SIPA1L1: variants seen among roughly 807,000 people sequenced by gnomAD.
SIPA1L1 encodes signal induced proliferation associated 1 like 1, also known as signal-induced proliferation-associated 1-like protein 1.
Under a neutral mutation model 162.7 loss-of-function variants are expected in SIPA1L1, and 26 were observed. The observed-to-expected ratio is 0.16, with a 90% confidence interval of 0.12 to 0.22. The LOEUF is 0.22. Among genes scored for constraint, SIPA1L1 ranks in the 10% least tolerant of loss-of-function variants. The pLI is 1.00. For synonymous variants in SIPA1L1, 829 were observed against 837.4 expected (o/e 0.99, Z 0.17); for missense variants, 1,874 against 2,241.0 (o/e 0.84, Z 3.31).
chr14:71,436,266 A>G (rs2044369901), intron 2 of SIPA1L1, among the ~76,000 whole-genome samples: 1 of 152,156 alleles, frequency 6.6e-6, no homozygotes. Flanking sequence ...TTTTTGCTAT[A>G]TATGAATTTA....
At chr14:71,730,349 C>T in intron 20 of SIPA1L1, 48 bp downstream of exon 20, 4 of 1,600,936 alleles carry the variant, frequency 2.5e-6, no homozygotes, top group Non-Finnish European at 3.4e-6. Flanking sequence ...TGATGATGGT[C>T]AGTGTCCCCA....
intron 3 of SIPA1L1, among the ~76,000 whole-genome samples, chr14:71,513,048 C>T (rs1394728292): frequency 2.0e-5 from 3 of 152,144 alleles, no homozygotes; most frequent in Non-Finnish European, 2.9e-5. Flanking sequence ...ACTGATGTCT[C>T]GTGTCTCCCT....
At position 71,587,729 on chromosome 14, in the gene SIPA1L1, A is replaced by G; in HGVS notation, c.-144A>G. 1 of 789,750 alleles carries G rather than the reference A, an allele frequency of 1.3e-6. No homozygotes were observed. The highest frequency in any genetic ancestry group is 2.0e-6 in the Non-Finnish European group (1 of 496,314). The allele number at this position is 789,750 out of a possible 1,614,324, so 48.9% of individuals were successfully genotyped here. On this transcript the variant is annotated 5_prime_UTR_variant, in exon 5 of 24. Coordinates refer to ENST00000381232, the MANE Select transcript of SIPA1L1 (RefSeq NM_001386936.1). ...TTCAGTGCTTTACAAATAAAGCATC[A>G]TTTAACCTTTTAAATGAAAAAGATT...
chr14:71,483,051 T>A (rs900718727), intron 2 of SIPA1L1, among the ~76,000 whole-genome samples: 1 of 152,192 alleles, frequency 6.6e-6, no homozygotes, highest in Admixed American at 6.5e-5. Context: ...ATCCAGAGAT[T>A]TGTTTTACTC....
intron 2 of SIPA1L1, among the ~76,000 whole-genome samples, chr14:71,351,777 A>G (rs1190516549): frequency 6.6e-6 from 1 of 152,184 alleles, no homozygotes; most frequent in East Asian, 1.9e-4. Flanking sequence ...AAACATAATT[A>G]AACAATTAAA....
intron 21 of SIPA1L1, 113 bp from the exon 22 acceptor site, chr14:71,735,164 T>G (rs1463328406): frequency 4.2e-6 from 3 of 715,920 alleles, no homozygotes; most frequent in Non-Finnish European, 7.6e-6. Context: ...TTCCAGTGCA[T>G]CCTGCACTGG....
At chr14:71,644,039 C>A (rs1044806257) in intron 7 of SIPA1L1, among the ~76,000 whole-genome samples, 2 of 152,124 alleles carry the variant, frequency 1.3e-5, no homozygotes, top group African/African-American at 4.8e-5. Context: ...AACTCCTGAC[C>A]TTGTGATTTG....
At chr14:71,398,175 C>T (rs1375918145) in intron 2 of SIPA1L1, among the ~76,000 whole-genome samples, 1 of 152,066 alleles carries the variant, frequency 6.6e-6, no homozygotes, top group African/African-American at 2.4e-5. Context: ...GCCACTGCAC[C>T]CGGCTAATTT....
intron 2 of SIPA1L1, among the ~76,000 whole-genome samples, chr14:71,423,010 T>C (rs2043300378): frequency 6.6e-6 from 1 of 152,360 alleles, no homozygotes; most frequent in South Asian, 2.1e-4. Flanking sequence ...TTTTTGATAG[T>C]TGCCATTGTA....
intron 7 of SIPA1L1, among the ~76,000 whole-genome samples, chr14:71,639,921 TGAGACTGA>T (rs2041538513): frequency 6.7e-6 from 1 of 149,922 alleles, no homozygotes; most frequent in African/African-American, 2.4e-5. Flanking sequence ...TTTGTTTTTT[TGAGACTGA>T]GTCTTGCTCT....
chr14:71,401,809 T>A (rs1169899194), intron 2 of SIPA1L1, among the ~76,000 whole-genome samples: 1 of 152,172 alleles, frequency 6.6e-6, no homozygotes, highest in East Asian at 1.9e-4. Flanking sequence ...ACCAGTAATC[T>A]TATCACTCAT....
intron 12 of SIPA1L1, among the ~76,000 whole-genome samples, chr14:71,680,754 C>T (rs1434023898): frequency 6.6e-6 from 1 of 152,180 alleles, no homozygotes; most frequent in Admixed American, 6.5e-5. Context: ...GATATCACCA[C>T]CGATCCCACA....
chr14:71,507,760 G>C (rs951723450), intron 2 of SIPA1L1, among the ~76,000 whole-genome samples: 3 of 151,826 alleles, frequency 2.0e-5, no homozygotes, highest in Non-Finnish European at 4.4e-5. Flanking sequence ...TGTGAACTCA[G>C]TCTTCTTTCA....
At chr14:71,535,167 C>T (rs1299760652) in intron 4 of SIPA1L1, among the ~76,000 whole-genome samples, 1 of 152,130 alleles carries the variant, frequency 6.6e-6, no homozygotes, top group Non-Finnish European at 1.5e-5. Context: ...GGACCCTATG[C>T]CAACAATTAA....
At chr14:71,472,750 T>C (rs1179630856) in intron 2 of SIPA1L1, among the ~76,000 whole-genome samples, 1 of 148,960 alleles carries the variant, frequency 6.7e-6, no homozygotes, top group East Asian at 1.9e-4. Flanking sequence ...GTTTTTACTA[T>C]GTGAACTTTG....
At chr14:71,582,118 G>C (rs528911853) in intron 4 of SIPA1L1, among the ~76,000 whole-genome samples, 1 of 152,158 alleles carries the variant, frequency 6.6e-6, no homozygotes, top group South Asian at 2.1e-4. Flanking sequence ...AGGATCCCTT[G>C]AACCCAGGAG....
intron 4 of SIPA1L1, among the ~76,000 whole-genome samples, chr14:71,547,781 A>G (rs1396619047): frequency 6.6e-6 from 1 of 152,186 alleles, no homozygotes; most frequent in African/African-American, 2.4e-5. Flanking sequence ...CGTGAGCTGC[A>G]CTTCAAGATT....
chr14:71,587,018 A>G (rs1431772495), intron 4 of SIPA1L1: 2 of 152,178 alleles, frequency 1.3e-5, no homozygotes, highest in African/African-American at 4.8e-5. Flanking sequence ...TTCCTGCTGT[A>G]TTTGTTTTTG....
intron 2 of SIPA1L1, among the ~76,000 whole-genome samples, chr14:71,449,181 G>T (rs1175982829): frequency 2.0e-5 from 3 of 152,176 alleles, no homozygotes; most frequent in Non-Finnish European, 2.9e-5. Context: ...AAAGGCTGCT[G>T]CTTTTTCAGG....
Sources: gnomAD v4.1 joint callset for allele counts (sites outside exome capture counted in the v4.1 genomes callset) on GRCh38, gnomAD v4.1.1 for gene constraint, MANE v1.5 for transcripts, NCBI Gene and HGNC (gene_info 2026-07-23, HGNC 2026-07-21) for gene names.